GPAM: variants seen among roughly 807,000 people sequenced by gnomAD.
GPAM encodes the protein glycerol-3-phosphate acyltransferase, mitochondrial.
Under a neutral mutation model 105.0 loss-of-function variants are expected in GPAM, and 56 were observed. The ratio of observed to expected loss-of-function variants is 0.53; its 90% CI spans 0.43 to 0.67. The LOEUF (loss-of-function observed/expected upper bound fraction) is 0.67, where lower values mean the gene tolerates loss of function less well. GPAM is among the 30% of genes least tolerant of loss of function. The probability of loss-of-function intolerance (pLI) is 0.00; values close to 1 mark genes in which losing one functional copy is unlikely to be tolerated. For missense variants in GPAM, 855 were observed against 989.8 expected, an observed-to-expected ratio of 0.86 and a Z score of 1.83; for synonymous variants, 368 against 354.4, an observed-to-expected ratio of 1.04 and a Z score of -0.43.
rs1200770644 is a variant in GPAM, at chr10:112,150,189, A to G, written c.*3361T>C. On this transcript the variant is annotated 3_prime_UTR_variant, in exon 22 of 22. Coordinates refer to ENST00000348367, the MANE Select transcript of GPAM (RefSeq NM_001244949.2). ...TCTCAGGTTTCTAAAATAGTTTTAA[A>G]AAACAGGTTTACAGCCCATAGTAAG... 9.1e-6 allele frequency: 9 copies of G among 985,316 alleles called. No individual in the cohort carries two copies. Among genetic ancestry groups the G allele is most frequent in the Non-Finnish European group, 6.0e-6 (5 of 829,786 alleles). The allele number at this position is 985,316 out of a possible 1,614,324, so 61.0% of individuals were successfully genotyped here. A position where few individuals can be genotyped will look rare whatever the true frequency, so the allele number is the denominator to read the frequency against.
upstream of GPAM, among the ~76,000 whole-genome samples, chr10:112,186,695 C>T (rs998310724): frequency 2.6e-5 from 4 of 151,948 alleles, no homozygotes; most frequent in Non-Finnish European, 5.9e-5. Flanking sequence ...TACAGGCACC[C>T]GCCACAACGC....
chr10:112,181,438 GT>G (rs1847505883), intron 3 of GPAM, among the ~76,000 whole-genome samples: 2 of 152,072 alleles, frequency 1.3e-5, no homozygotes, highest in African/African-American at 2.4e-5. Context: ...TACTACTAGG[GT>G]TTTTTTCCTA....
At chr10:112,196,838 A>C (rs1413270879) in intron 1 of GPAM, among the ~76,000 whole-genome samples, 2 of 152,142 alleles carry the variant, frequency 1.3e-5, no homozygotes, top group Non-Finnish European at 2.9e-5. Flanking sequence ...CCCTCACCCC[A>C]TTCCTTTTGC....
rs767313564 is a variant in GPAM, at chr10:112,160,823, C to T, written c.1540G>A (p.Glu514Lys). The T allele has an allele frequency of 3.1e-6, 5 of 1,613,848 alleles. No homozygotes were observed. Among genetic ancestry groups the T allele is most frequent in the Middle Eastern group, 3.3e-4 (2 of 6,060 alleles). ...TLVEDFFVMK[E>K]EVLARDFDLG... ...TCAAAATCACGAGCCAGGACTTCCT[C>T]TTTCATCACAAAGAAGTCTTCGACC... Residue 514 changes from glutamate (E) to lysine (K), a missense_variant, in exon 16 of 22, where the codon GAG becomes AAG. Glu to Lys is a moderately conservative substitution (Grantham distance 56). Transcript: ENST00000348367.
At chr10:112,178,589 A>C (rs373577243) in intron 4 of GPAM, among the ~76,000 whole-genome samples, 1 of 135,678 alleles carries the variant, frequency 7.4e-6, no homozygotes, top group Non-Finnish European at 1.6e-5. Flanking sequence ...ACAAACAAAC[A>C]AACCACCTTA....
rs1464535636 is a variant in GPAM, at chr10:112,152,329, T to C, written c.*1221A>G. The C allele has an allele frequency of 6.1e-6, 6 of 984,776 alleles. No individual in the cohort carries two copies. The East Asian group carries it at 4.5e-4, about 74-fold the overall frequency. 61.0% of individuals were successfully genotyped at this position (984,776 alleles called of 1,614,324 possible). ...CTGCTCACAAAAGGCACCTACCAAT[T>C]ATGAACAGACCATTTTTCATAATTA... On this transcript the variant is annotated 3_prime_UTR_variant, in exon 22 of 22. Transcript: ENST00000348367.
In GPAM at chr10:112,160,854, G is replaced by A. The variant is rs1564675091; in HGVS notation, c.1509C>T (p.Ser503=). ...LYRHRQGIDL[S]TLVEDFFVMK... ...TCACAAAGAAGTCTTCGACCAATGTGGAGAGATCAATTCCCTAAAGAAAGA... is the reference window on the plus strand; with the variant it reads ...TCACAAAGAAGTCTTCGACCAATGTAGAGAGATCAATTCCCTAAAGAAAGA... Residue 503 remains serine, a synonymous_variant, in exon 16 of 22, where the codon TCC becomes TCT. Coordinates refer to ENST00000348367, the MANE Select transcript of GPAM (RefSeq NM_001244949.2). 6.2e-7 allele frequency: 1 copy of A among 1,613,632 alleles called. No individual in the cohort carries two copies. Among genetic ancestry groups the A allele is most frequent in the Non-Finnish European group, 8.5e-7 (1 of 1,179,704 alleles).
At chr10:112,162,838 G>A (rs971618362) in intron 14 of GPAM, among the ~76,000 whole-genome samples, 15 of 152,060 alleles carry the variant, frequency 9.9e-5, no homozygotes, top group African/African-American at 2.9e-4. Flanking sequence ...TAACAATAAG[G>A]TATTATTTTT....
intron 9 of GPAM, among the ~76,000 whole-genome samples, chr10:112,171,487 A>G (rs1847312063): frequency 6.6e-6 from 1 of 152,046 alleles, no homozygotes; most frequent in Non-Finnish European, 1.5e-5. Context: ...TACAGGACAG[A>G]CTCTAATCTC....
Position 112,164,581 on chromosome 10 carries a change from C to T in GPAM, c.1251G>A (p.Pro417=), listed in dbSNP as rs140253495. The T allele has an allele frequency of 7.8e-5, 125 of 1,604,994 alleles. No individual in the cohort carries two copies. The African/African-American group carries it at 8.0e-4, about 10-fold the overall frequency. ...GCTCCAGGGAAAGTAGAGCAGACAC[C>T]GGTTTCTGACTTTGGCTTTCTAAAT... The part of the protein sequence containing the change: ...KEYLESQSQK[P]VSALLSLEQA... Residue 417 remains proline, a synonymous_variant, in exon 13 of 22, where the codon CCG becomes CCA. Transcript: ENST00000348367.
rs61460320 is a variant in GPAM, at chr10:112,200,244, T to TATATATAGAG, written n.210+14923_210+14924insCTCTATATAT. ...CACTATATGTATATATATATATATA[T>TATATATAGAG]AGAGAGAGAGAGAGAGAGAGAGAGA... On this transcript the variant is annotated intron_variant and non_coding_transcript_variant, in intron 1 of 3. Coordinates refer to the GPAM transcript ENST00000480130. Among the ~76,000 whole-genome samples, 18 of 123,550 alleles carry TATATATAGAG rather than the reference T, an allele frequency of 1.5e-4. 1 individual carries two copies. The highest frequency in any genetic ancestry group is 5.3e-4 in the African/African-American group (17 of 32,322). The allele number at this position is 123,550 out of a possible 152,430, so 81.1% of individuals were successfully genotyped here. A position where few individuals can be genotyped will look rare whatever the true frequency, so the allele number is the denominator to read the frequency against.
intron 18 of GPAM, 41 bp from the exon 19 acceptor site, chr10:112,157,430 G>C (rs1464171956): frequency 1.3e-6 from 2 of 1,600,000 alleles, no homozygotes; most frequent in South Asian, 1.1e-5. Flanking sequence ...AATATGCACT[G>C]GCACACAAAC....
Position 112,161,729 on chromosome 10 carries a change from T to C in GPAM, c.1432A>G (p.Lys478Glu), listed in dbSNP as rs774453233. ...TGTGTGGACATAATGGCACAGGACT[T>C]GCTAGCAGCTGGAAGGCAAACACAA... ...LAEHILFTAS[K>E]SCAIMSTHIV... Residue 478 changes from lysine (K) to glutamate (E), a missense_variant, in exon 15 of 22, where the codon AAG becomes GAG. Physicochemically the swap from Lys to Glu is moderately conservative, Grantham distance 56 (BLOSUM62 1). Transcript: ENST00000348367. 1.1e-5 allele frequency: 18 copies of C among 1,613,960 alleles called. No individual in the cohort carries two copies. The highest frequency in any genetic ancestry group is 1.6e-4 in the Middle Eastern group (1 of 6,084).
intron 1 of GPAM, among the ~76,000 whole-genome samples, chr10:112,211,627 G>T (rs1847912193): frequency 6.6e-6 from 1 of 152,124 alleles, no homozygotes; most frequent in Non-Finnish European, 1.5e-5. Context: ...CCATTCAACT[G>T]CAAGTTCCAC....
chr10:112,181,956 TA>T, intron 2 of GPAM, 143 bp from the exon 3 acceptor site: 1 of 615,892 alleles, frequency 1.6e-6, no homozygotes, highest in South Asian at 1.8e-5. Flanking sequence ...AGTCACAAGG[TA>T]AAAACTGACT....
chr10:112,192,319 C>A (rs1847670266), intron 1 of GPAM, among the ~76,000 whole-genome samples: 1 of 152,116 alleles, frequency 6.6e-6, no homozygotes, highest in Non-Finnish European at 1.5e-5. Flanking sequence ...AATTCATGGT[C>A]TAATGGCATA....
intron 1 of GPAM, among the ~76,000 whole-genome samples, chr10:112,199,615 A>G (rs946159350): frequency 6.6e-6 from 1 of 152,222 alleles, no homozygotes; most frequent in Non-Finnish European, 1.5e-5. Flanking sequence ...CACAATGTAC[A>G]TGTGTTAGTC....
chr10:112,168,304 A>G lies in GPAM; in HGVS notation c.1107+8T>C, dbSNP rs1161317111. 6.8e-7 allele frequency: 1 copy of G among 1,475,914 alleles called. No individual in the cohort carries two copies. The highest frequency in any genetic ancestry group is 9.5e-7 in the Non-Finnish European group (1 of 1,053,822). 91.4% of individuals were successfully genotyped at this position (1,475,914 alleles called of 1,614,324 possible). On this transcript the variant is annotated splice_region_variant and intron_variant, in intron 11 of 21. Coordinates refer to ENST00000348367, the MANE Select transcript of GPAM (RefSeq NM_001244949.2). ...AAGCAAAGAAAACTTTTGTGTAGGT[A>G]CCCTTACCAGTTGTTCACCATTGTA... is the stretch of plus-strand genomic sequence containing the variant.
chr10:112,188,032 A>G (rs1847615414), upstream of GPAM, among the ~76,000 whole-genome samples: 1 of 152,182 alleles, frequency 6.6e-6, no homozygotes, highest in African/African-American at 2.4e-5. Context: ...TGAGGAATGC[A>G]GCTAAAACAG....
Sources: gnomAD v4.1 joint callset for allele counts (sites outside exome capture counted in the v4.1 genomes callset) on GRCh38, gnomAD v4.1.1 for gene constraint, MANE v1.5 for transcripts, NCBI Gene and HGNC (gene_info 2026-07-23, HGNC 2026-07-21) for gene names.